Variants in CDH19 observed in about 807,000 individuals in gnomAD.
CDH19 encodes cadherin 19.
In CDH19, 67 loss-of-function variants were observed where a neutral mutation model predicts 64.2. That is an observed-to-expected ratio of 1.04 (90% CI 0.86 to 1.28). The LOEUF (loss-of-function observed/expected upper bound fraction) is 1.28, where lower values mean the gene tolerates loss of function less well. Among genes scored for constraint, CDH19 ranks in the 50% most tolerant of loss-of-function variants. The pLI is 0.00. For synonymous variants in CDH19, 346 were observed against 319.3 expected (o/e 1.08, Z -0.89); for missense variants, 1,030 against 929.0 (o/e 1.11, Z -1.41).
At chr18:66,575,823 A>T (rs986855212) in intron 1 of CDH19, among the ~76,000 whole-genome samples, 40 of 151,828 alleles carry the variant, frequency 2.6e-4, no homozygotes, top group African/African-American at 9.4e-4. Context: ...TTTAAATTAT[A>T]ATATCATTAA....
rs1415455416 is a variant in CDH19 at position 66,509,256 on chromosome 18, A to T, written c.1577-10T>A. 2.5e-6 allele frequency: 4 copies of T among 1,610,164 alleles called. No homozygotes were observed. The highest frequency in any genetic ancestry group is 3.4e-6 in the Non-Finnish European group (4 of 1,177,782). ...ATGACAGCTGTGTTATCTAAAACAAAAATCCATGTGCATAATTTTTTCAAC... is the reference window on the plus strand; with the variant it reads ...ATGACAGCTGTGTTATCTAAAACAATAATCCATGTGCATAATTTTTTCAAC... On this transcript the variant is annotated splice_polypyrimidine_tract_variant and intron_variant, in intron 10 of 11. Transcript: ENST00000262150.
At chr18:66,577,455 T>C (rs1048676930) in intron 1 of CDH19, among the ~76,000 whole-genome samples, 2 of 151,882 alleles carry the variant, frequency 1.3e-5, no homozygotes, top group African/African-American at 4.8e-5. Context: ...TTTGAAAAAG[T>C]TCAAAAGGTG....
chr18:66,576,426 G>C (rs958267836), intron 1 of CDH19, among the ~76,000 whole-genome samples: 2 of 151,324 alleles, frequency 1.3e-5, no homozygotes, highest in Admixed American at 1.3e-4. Flanking sequence ...AAGAATATTA[G>C]CAGTGATAAA....
At chr18:66,533,629 T>TTAGC (rs397729232) in intron 8 of CDH19, among the ~76,000 whole-genome samples, 1 of 150,808 alleles carries the variant, frequency 6.6e-6, no homozygotes, top group Non-Finnish European at 1.5e-5. Flanking sequence ...CTTAAAATAG[T>TTAGC]AGTTTTATTC....
chr18:66,520,608 T>C (rs1312069932), intron 9 of CDH19, among the ~76,000 whole-genome samples: 4 of 152,082 alleles, frequency 2.6e-5, no homozygotes, highest in Non-Finnish European at 5.9e-5. Flanking sequence ...GAATTTTATA[T>C]TGTTTTAAAA....
chr18:66,503,683 C>T lies in CDH19; in HGVS notation c.*1129G>A, dbSNP rs955044960. On this transcript the variant is annotated 3_prime_UTR_variant, in exon 12 of 12. Coordinates refer to ENST00000262150, the MANE Select transcript of CDH19 (RefSeq NM_021153.4). ...CATATGAAAAAAAATCTATGACAAA[C>T]ACCTAAATATATTTTCCTTTTTAAT... 2 of 151,650 alleles carry T rather than the reference C, an allele frequency of 1.3e-5. No individual in the cohort carries two copies. The highest frequency in any genetic ancestry group is 6.6e-5 in the Admixed American group (1 of 15,186). 9.4% of individuals were successfully genotyped at this position (151,650 alleles called of 1,614,324 possible). A position where few individuals can be genotyped will look rare whatever the true frequency, so the allele number is the denominator to read the frequency against.
chr18:66,559,012 A>T lies in CDH19; in HGVS notation c.491-4488T>A, dbSNP rs1987622657. Among the ~76,000 whole-genome samples the T allele has an allele frequency of 2.0e-5, 3 of 151,956 alleles. No individual in the cohort carries two copies. The South Asian group carries it at 6.2e-4, about 31-fold the overall frequency. On this transcript the variant is annotated intron_variant, in intron 3 of 11. Coordinates refer to ENST00000262150, the MANE Select transcript of CDH19 (RefSeq NM_021153.4). ...ATTGTTTACTGTCAGAATCACTCCG[A>T]AGAGGTTTATGAGAAATGCGGCTCC...
At chr18:66,585,374 A>G (rs1023773341) in intron 1 of CDH19, among the ~76,000 whole-genome samples, 1 of 152,066 alleles carries the variant, frequency 6.6e-6, no homozygotes, top group Non-Finnish European at 1.5e-5. Flanking sequence ...TTTGCTGGAG[A>G]TAAGAGTAGC....
chr18:66,587,233 G>A (rs1988603517), intron 1 of CDH19, among the ~76,000 whole-genome samples: 1 of 152,118 alleles, frequency 6.6e-6, no homozygotes, highest in East Asian at 1.9e-4. Context: ...AAAAGAAATT[G>A]CCTGTGTTAG....
chr18:66,593,604 C>G (rs1463508271), intron 1 of CDH19, among the ~76,000 whole-genome samples: 1 of 151,948 alleles, frequency 6.6e-6, no homozygotes, highest in Non-Finnish European at 1.5e-5. Context: ...CTAGTGTTAA[C>G]AGATGAACAC....
In CDH19 at chr18:66,524,569, T is replaced by A. The variant is rs11877906; in HGVS notation, c.1458+5276A>T. Among the ~76,000 whole-genome samples, 349 of 134,952 alleles carry A rather than the reference T, an allele frequency of 2.6e-3. 4 individuals carry two copies. Among genetic ancestry groups the A allele is most frequent in the Middle Eastern group, 8.0e-3 (2 of 250 alleles). 88.5% of individuals were successfully genotyped at this position (134,952 alleles called of 152,430 possible). On this transcript the variant is annotated intron_variant, in intron 9 of 11. Coordinates refer to ENST00000262150, the MANE Select transcript of CDH19 (RefSeq NM_021153.4). ...ATATATATATATATATATATATATA[T>A]AAACATCATCATGCACCATAAATAT...
At chr18:66,517,886 C>T (rs1215969072) in intron 9 of CDH19, among the ~76,000 whole-genome samples, 2 of 151,702 alleles carry the variant, frequency 1.3e-5, no homozygotes, top group Admixed American at 6.6e-5. Flanking sequence ...TATTTTTAAA[C>T]GTGGCTACAG....
At chr18:66,551,846 T>C (rs1987355703) in intron 4 of CDH19, among the ~76,000 whole-genome samples, 1 of 152,026 alleles carries the variant, frequency 6.6e-6, no homozygotes, top group African/African-American at 2.4e-5. Context: ...TTAATATACA[T>C]TTATTAACTA....
chr18:66,568,425 A>T lies in CDH19; in HGVS notation c.481T>A (p.Ser161Thr). 6.2e-7 allele frequency: 1 copy of T among 1,609,374 alleles called. No homozygotes were observed. Among genetic ancestry groups the T allele is most frequent in the Non-Finnish European group, 8.5e-7 (1 of 1,176,990 alleles). The change falls in exon 3 of 12, where the codon TCT becomes ACT. Residue 161 changes from serine to threonine, a missense_variant. By Grantham distance (58) the Ser-to-Thr change is moderately conservative (BLOSUM62 1). Transcript: ENST00000262150. ...EPYEAIVPEM[S>T]PEGTLVIQVT... ...AATTAATATGCAATACCTTCTGGAG[A>T]CATCTCTGGTACAATGGCCTCATAA...
intron 3 of CDH19, among the ~76,000 whole-genome samples, chr18:66,558,808 G>C (rs1987615826): frequency 6.6e-6 from 1 of 151,994 alleles, no homozygotes; most frequent in Admixed American, 6.6e-5. Flanking sequence ...TGTTGGTTTA[G>C]ACAACGAATG....
At chr18:66,509,529 TTAAAG>T (rs1447734916) in intron 10 of CDH19, among the ~76,000 whole-genome samples, 1 of 150,824 alleles carries the variant, frequency 6.6e-6, no homozygotes, top group South Asian at 2.1e-4. Context: ...ACTTATTTAG[TTAAAG>T]TATTTATATT....
chr18:66,568,818 T>G (rs1988007273), intron 2 of CDH19, 108 bp from the exon 3 acceptor site: 1 of 883,742 alleles, frequency 1.1e-6, no homozygotes. Context: ...TTAATGATTT[T>G]ATATTATTTC....
chr18:66,592,307 T>C (rs896192610), intron 1 of CDH19, among the ~76,000 whole-genome samples: 1 of 151,852 alleles, frequency 6.6e-6, no homozygotes, highest in Non-Finnish European at 1.5e-5. Flanking sequence ...TTGATACATG[T>C]ATTCAATGTG....
intron 9 of CDH19, among the ~76,000 whole-genome samples, chr18:66,528,733 G>A (rs1986320188): frequency 6.6e-6 from 1 of 152,036 alleles, no homozygotes; most frequent in Non-Finnish European, 1.5e-5. Context: ...TAAGATATGA[G>A]TATTCCTCAG....
Sources: gnomAD v4.1 joint callset for allele counts (sites outside exome capture counted in the v4.1 genomes callset) on GRCh38, gnomAD v4.1.1 for gene constraint, MANE v1.5 for transcripts, NCBI Gene and HGNC (gene_info 2026-07-23, HGNC 2026-07-21) for gene names.